Variants in ZCCHC2 observed in about 807,000 individuals in gnomAD.
The protein encoded by ZCCHC2 is zinc finger CCHC-type containing 2, also known as zinc finger CCHC domain-containing protein 2.
ZCCHC2 carries 39 observed loss-of-function variants against 103.6 expected under a neutral mutation model. That is an observed-to-expected ratio of 0.38 (90% CI 0.29 to 0.49). ZCCHC2 has a LOEUF of 0.49. Among genes scored for constraint, ZCCHC2 ranks in the 20% least tolerant of loss-of-function variants. The pLI is 0.96. For synonymous variants in ZCCHC2, 687 were observed against 608.9 expected (o/e 1.13, Z -1.89); for missense variants, 1,483 against 1,491.0 (o/e 0.99, Z 0.09).
In ZCCHC2 at chr18:62,524,051, G is replaced by A. The variant is rs1351266982; in HGVS notation, c.627G>A (p.Arg209=). ...TGCTCAAAAGCCTGCGCGCGGCCCG[G>A]GGCGAGGGCTCGCGGGGCGGCGCGG... The part of the protein sequence containing the change: ...DSVLKSLRAA[R]GEGSRGGAED... Residue 209 remains arginine, a synonymous_variant, in exon 1 of 14, where the codon CGG becomes CGA. Coordinates refer to ENST00000269499, the MANE Select transcript of ZCCHC2 (RefSeq NM_017742.6). The A allele has an allele frequency of 1.2e-5, 17 of 1,474,820 alleles. No individual in the cohort carries two copies. The highest frequency in any genetic ancestry group is 1.5e-5 in the Non-Finnish European group (17 of 1,124,074). The allele number at this position is 1,474,820 out of a possible 1,614,324, so 91.4% of individuals were successfully genotyped here. A position where few individuals can be genotyped will look rare whatever the true frequency, so the allele number is the denominator to read the frequency against.
At chr18:62,586,411 TAGGG>T (rs1234629500) in exon 15 of ZCCHC2, 1 of 151,772 alleles carries the variant, frequency 6.6e-6, no homozygotes, top group African/African-American at 2.4e-5. Flanking sequence ...TCCCTGGCCT[TAGGG>T]AGCAGTTTCT....
In ZCCHC2 at chr18:62,570,093, T is replaced by C. The variant is rs1473785778; in HGVS notation, c.1847-10T>C. The C allele has an allele frequency of 7.0e-6, 11 of 1,581,526 alleles. No homozygotes were observed. The highest frequency in any genetic ancestry group is 8.6e-6 in the Non-Finnish European group (10 of 1,164,304). ...AACATGATTTTTTAAAATAGTGTTG[T>C]TATTTTTAGATGTGAATTTGGACAT... is the stretch of plus-strand genomic sequence containing the variant. On this transcript the variant is annotated splice_polypyrimidine_tract_variant and intron_variant, in intron 11 of 13. Transcript: ENST00000269499.
chr18:62,576,699 G>T lies in ZCCHC2; in HGVS notation c.*120G>T, dbSNP rs948888160. 14 of 969,198 alleles carry T rather than the reference G, an allele frequency of 1.4e-5. No homozygotes were observed. In the South Asian group the frequency reaches 2.1e-4, roughly 15 times the overall value. The allele number at this position is 969,198 out of a possible 1,614,324, so 60.0% of individuals were successfully genotyped here. A position where few individuals can be genotyped will look rare whatever the true frequency, so the allele number is the denominator to read the frequency against. ...ACATTTCCTAGATTTCTATGCAGTT[G>T]GGATTTTTCATTTCTCTTGTACCAA... is the stretch of plus-strand genomic sequence containing the variant. On this transcript the variant is annotated 3_prime_UTR_variant, in exon 14 of 14. Transcript: ENST00000269499.
chr18:62,554,361 G>A (rs957815948), intron 5 of ZCCHC2, among the ~76,000 whole-genome samples: 1 of 152,242 alleles, frequency 6.6e-6, no homozygotes, highest in Non-Finnish European at 1.5e-5. Flanking sequence ...CTGTAGGTTA[G>A]GAAAATGAAA....
chr18:62,564,788 G>A lies in ZCCHC2; in HGVS notation c.1751+153G>A, dbSNP rs117709819. Among the ~76,000 whole-genome samples, 109 of 151,636 alleles carry A rather than the reference G, an allele frequency of 7.2e-4. 1 individual carries two copies. In the East Asian group the frequency reaches 0.021, roughly 29 times the overall value. On this transcript the variant is annotated intron_variant, in intron 10 of 13. Transcript: ENST00000269499. The stretch of plus-strand genomic sequence containing the variant: ...TTGGTTCAAAATATTAATATATGCA[G>A]GTGATAAAAATAAAGCTACTGTCAA...
chr18:62,533,983 G>A (rs867737970), intron 1 of ZCCHC2, among the ~76,000 whole-genome samples: 1 of 152,056 alleles, frequency 6.6e-6, no homozygotes, highest in East Asian at 1.9e-4. Context: ...TATAGGATAG[G>A]TACAGTTATT....
intron 1 of ZCCHC2, among the ~76,000 whole-genome samples, chr18:62,533,285 G>T (rs1310858235): frequency 2.0e-5 from 3 of 152,152 alleles, no homozygotes; most frequent in Non-Finnish European, 4.4e-5. Flanking sequence ...CAGCACTTTG[G>T]GAGGCCGAGG....
intron 1 of ZCCHC2, among the ~76,000 whole-genome samples, chr18:62,538,905 G>C (rs539375987): frequency 3.5e-4 from 54 of 152,258 alleles, no homozygotes; most frequent in Admixed American, 2.8e-3. Flanking sequence ...AGTTGATTTT[G>C]ATATGAGTAG....
At chr18:62,559,199 C>T (rs1173964459) in intron 7 of ZCCHC2, among the ~76,000 whole-genome samples, 1 of 152,112 alleles carries the variant, frequency 6.6e-6, no homozygotes, top group Admixed American at 6.5e-5. Flanking sequence ...TTCTCTGTGA[C>T]AAAAGGAACC....
chr18:62,542,358 C>T (rs1261000458), intron 2 of ZCCHC2, 140 bp from the exon 3 acceptor site: 4 of 576,524 alleles, frequency 6.9e-6, no homozygotes, highest in South Asian at 4.1e-5. Context: ...TTTTTTATTT[C>T]ATGATTTAAG....
Position 62,562,691 on chromosome 18 carries a change from G to T in ZCCHC2, c.1551-318G>T, listed in dbSNP as rs144843875. Among the ~76,000 whole-genome samples, 26 of 152,246 alleles carry T rather than the reference G, an allele frequency of 1.7e-4. No homozygotes were observed. In the East Asian group the frequency reaches 4.6e-3, roughly 27 times the overall value. On this transcript the variant is annotated intron_variant, in intron 8 of 13. Transcript: ENST00000269499. ...TGTGCCCAGTTACTTAAGTGCTCAT[G>T]ACAGCAGTGCTCTCAAGATGCAGGT...
intron 1 of ZCCHC2, among the ~76,000 whole-genome samples, chr18:62,529,459 A>C (rs886409665): frequency 2.2e-4 from 33 of 152,118 alleles, no homozygotes; most frequent in Middle Eastern, 3.4e-3. Context: ...GGTGGTAGAG[A>C]AGTGGGCACA....
rs935694279 is a variant in ZCCHC2, at chr18:62,565,046, A to G, written c.1796A>G (p.Asn599Ser). ...GACAACAGATTGAATAGTAGAATAA[A>G]TGGTATTAGACTCTCCACTCCTCAG... ...KTDNRLNSRI[N>S]GIRLSTPQHA... is the part of the protein sequence containing the mutation. The change falls in exon 11 of 14, where the codon AAT becomes AGT. Residue 599 changes from asparagine to serine, a missense_variant. Asn to Ser is a conservative substitution (Grantham distance 46). Coordinates refer to ENST00000269499, the MANE Select transcript of ZCCHC2 (RefSeq NM_017742.6). 2.2e-5 allele frequency: 36 copies of G among 1,613,528 alleles called. No homozygotes were observed. The highest frequency in any genetic ancestry group is 3.0e-5 in the Non-Finnish European group (35 of 1,179,672).
chr18:62,579,431 G>T (rs953515623), downstream of ZCCHC2, among the ~76,000 whole-genome samples: 2 of 152,198 alleles, frequency 1.3e-5, no homozygotes, highest in Admixed American at 6.5e-5. Context: ...CGCCCTTGAC[G>T]CAGTCCTGGT....
chr18:62,548,041 T>C (rs1464080810), intron 4 of ZCCHC2, among the ~76,000 whole-genome samples: 1 of 152,202 alleles, frequency 6.6e-6, no homozygotes, highest in Admixed American at 6.5e-5. Context: ...CAAGGGGTGC[T>C]ACAAGCATTA....
intron 9 of ZCCHC2, 83 bp downstream of exon 9, chr18:62,563,227 G>A: frequency 6.7e-7 from 1 of 1,489,200 alleles, no homozygotes. Flanking sequence ...TAAGCTTTCA[G>A]TCAGACAGTA....
intron 6 of ZCCHC2, among the ~76,000 whole-genome samples, chr18:62,557,688 C>T (rs1245741701): frequency 6.6e-6 from 1 of 152,160 alleles, no homozygotes; most frequent in African/African-American, 2.4e-5. Flanking sequence ...GAACATGTAT[C>T]AATAGCATCA....
chr18:62,561,372 C>T (rs1325130743), intron 8 of ZCCHC2, among the ~76,000 whole-genome samples: 2 of 152,240 alleles, frequency 1.3e-5, no homozygotes, highest in African/African-American at 4.8e-5. Flanking sequence ...ATTCTCTCCA[C>T]TCACCTCCAG....
chr18:62,524,021 C>T lies in ZCCHC2; in HGVS notation c.597C>T (p.Asp199=), dbSNP rs1377288115. Residue 199 remains aspartate (D), a synonymous_variant, in exon 1 of 14, where the codon GAC becomes GAT. Transcript: ENST00000269499. ...GRLHRLLPQV[D]SVLKSLRAAR... ...TGCACCGCCTGCTACCCCAGGTGGA[C>T]TCGGTGCTCAAAAGCCTGCGCGCGG... 2 of 1,478,650 alleles carry T rather than the reference C, an allele frequency of 1.4e-6. No homozygotes were observed. The highest frequency in any genetic ancestry group is 2.9e-5 in the African/African-American group (2 of 68,450). The allele number at this position is 1,478,650 out of a possible 1,614,324, so 91.6% of individuals were successfully genotyped here.
Sources: allele counts gnomAD v4.1 joint callset (sites outside exome capture counted in the v4.1 genomes callset), GRCh38; gene constraint gnomAD v4.1.1; transcripts MANE v1.5; gene names NCBI Gene and HGNC (gene_info 2026-07-23, HGNC 2026-07-21).